Variants in PKHD1 observed in about 807,000 individuals in gnomAD.
PKHD1 encodes PKHD1 ciliary IPT domain containing fibrocystin/polyductin.
PKHD1 carries 291 observed loss-of-function variants against 412.0 expected under a neutral mutation model. That is an observed-to-expected ratio of 0.71 (90% CI 0.64 to 0.78). The LOEUF (loss-of-function observed/expected upper bound fraction) is 0.78. Ranked by LOEUF, PKHD1 falls within the 30% of genes least tolerant of loss-of-function variation. The probability of loss-of-function intolerance (pLI) is 0.00; values close to 1 mark genes in which losing one functional copy is unlikely to be tolerated. For missense variants in PKHD1, 4,825 were observed against 4,950.7 expected (o/e 0.97, Z 0.76); for synonymous variants, 1,777 against 1,821.5 (o/e 0.98, Z 0.62).
chr6:52,050,174 G>C lies in PKHD1; in HGVS notation c.2262C>G (p.Leu754=), dbSNP rs200754084. 1.2e-6 allele frequency: 2 copies of C among 1,614,160 alleles called. No individual in the cohort carries two copies. Among genetic ancestry groups the C allele is most frequent in the Non-Finnish European group, 8.5e-7 (1 of 1,180,022 alleles). Residue 754 remains leucine, a synonymous_variant, in exon 22 of 67, where the codon CTC becomes CTG. Transcript: ENST00000371117. ...CTCCTTACCGTGCAGTGATGAGCGG[G>C]AGCTCCGTGCCACACCCCGCCAGCC... ...TSWLAGCGTE[L]PLITARSVPT...
chr6:51,762,017 G>T (rs1298788973), intron 55 of PKHD1, among the ~76,000 whole-genome samples: 1 of 151,892 alleles, frequency 6.6e-6, no homozygotes, highest in Admixed American at 6.6e-5. Flanking sequence ...TGTCACTTCT[G>T]TCTTCAACAT....
At chr6:51,968,021 T>C (rs1793095953) in intron 35 of PKHD1, among the ~76,000 whole-genome samples, 1 of 152,250 alleles carries the variant, frequency 6.6e-6, no homozygotes, top group South Asian at 2.1e-4. Flanking sequence ...ACCTTTTTTT[T>C]CCTCCTTTGC....
At chr6:51,701,732 T>C (rs891537458) in intron 60 of PKHD1, among the ~76,000 whole-genome samples, 19 of 152,096 alleles carry the variant, frequency 1.2e-4, no homozygotes, top group Admixed American at 1.2e-3. Context: ...AAATATTGCA[T>C]TGGAAAGATT....
chr6:51,963,831 C>G (rs1013442749), intron 35 of PKHD1, among the ~76,000 whole-genome samples: 4 of 152,122 alleles, frequency 2.6e-5, no homozygotes, highest in African/African-American at 9.7e-5. Flanking sequence ...TCCGTGTCAA[C>G]AGCCCAGCTT....
At chr6:51,654,937 T>C (rs1452069972) in intron 61 of PKHD1, among the ~76,000 whole-genome samples, 1 of 152,146 alleles carries the variant, frequency 6.6e-6, no homozygotes, top group African/African-American at 2.4e-5. Flanking sequence ...GAAGACTTTT[T>C]AAAATGCTTG....
chr6:51,863,974 C>A (rs13220074), intron 48 of PKHD1, among the ~76,000 whole-genome samples: 2 of 151,990 alleles, frequency 1.3e-5, no homozygotes, highest in Admixed American at 6.6e-5. Context: ...TAAGGACAGA[C>A]GGACAATTTA....
intron 37 of PKHD1, among the ~76,000 whole-genome samples, chr6:51,917,823 T>C (rs774685995): frequency 3.3e-5 from 5 of 152,128 alleles, no homozygotes; most frequent in East Asian, 1.9e-4. Context: ...GGCCCTCCCA[T>C]AGCACTTAGA....
intron 33 of PKHD1, among the ~76,000 whole-genome samples, chr6:52,019,057 C>T (rs1235657307): frequency 6.6e-6 from 1 of 152,154 alleles, no homozygotes; most frequent in Non-Finnish European, 1.5e-5. Flanking sequence ...ATATAAAAAG[C>T]ATCATGAGGC....
Position 51,793,944 on chromosome 6 carries a change from G to A in PKHD1, c.8303-2571C>T, listed in dbSNP as rs191479361. Among the ~76,000 whole-genome samples, 42 of 152,102 alleles carry A rather than the reference G, an allele frequency of 2.8e-4. No individual in the cohort carries two copies. The East Asian group carries it at 6.4e-3, about 23-fold the overall frequency. The stretch of plus-strand genomic sequence containing the variant: ...TCTGCCTCTAGGTCTTTGAGGAATC[G>A]CCACACTGTCTTCCACAATGATTGA... On this transcript the variant is annotated intron_variant, in intron 52 of 66. Transcript: ENST00000371117.
At chr6:51,893,825 T>C (rs761044901) in intron 43 of PKHD1, among the ~76,000 whole-genome samples, 10 of 152,282 alleles carry the variant, frequency 6.6e-5, no homozygotes, top group South Asian at 2.1e-4. Flanking sequence ...GCTTGAGAAC[T>C]GAGGTTGGGC....
intron 48 of PKHD1, among the ~76,000 whole-genome samples, chr6:51,864,080 G>A (rs1182950491): frequency 1.3e-5 from 2 of 152,140 alleles, no homozygotes; most frequent in African/African-American, 2.4e-5. Context: ...GCTCAGGGAA[G>A]CCTAGCAGAG....
At chr6:51,670,000 G>T (rs1194479784) in intron 60 of PKHD1, among the ~76,000 whole-genome samples, 2 of 151,680 alleles carry the variant, frequency 1.3e-5, no homozygotes, top group Non-Finnish European at 2.9e-5. Context: ...GTGTGGTGTG[G>T]TGCTGAAAAA....
At chr6:51,692,289 A>ACACACACCCC (rs1366295251) in intron 60 of PKHD1, among the ~76,000 whole-genome samples, 1 of 151,036 alleles carries the variant, frequency 6.6e-6, no homozygotes, top group African/African-American at 2.4e-5. Flanking sequence ...ACACACACAC[A>ACACACACCCC]CCACTGAGTT....
chr6:52,084,492 C>T (rs191494425), intron 2 of PKHD1, among the ~76,000 whole-genome samples: 1 of 152,096 alleles, frequency 6.6e-6, no homozygotes, highest in Non-Finnish European at 1.5e-5. Flanking sequence ...TGGGAAAGTC[C>T]GACAGCAAAA....
At chr6:51,926,293 G>T (rs4711990) in intron 37 of PKHD1, among the ~76,000 whole-genome samples, 57,264 of 151,916 alleles carry the variant, frequency 0.38, 11,679 homozygotes, top group East Asian at 0.76. Context: ...ACCAAGAGTC[G>T]CAGAGAAACA....
chr6:51,904,279 G>A (rs1055981590), intron 41 of PKHD1, among the ~76,000 whole-genome samples: 1 of 152,098 alleles, frequency 6.6e-6, no homozygotes, highest in Admixed American at 6.6e-5. Context: ...TTTTGAGGAG[G>A]AGTCTAAGTG....
intron 35 of PKHD1, among the ~76,000 whole-genome samples, chr6:51,984,399 A>G (rs1390007124): frequency 1.3e-5 from 2 of 152,280 alleles, no homozygotes; most frequent in African/African-American, 4.8e-5. Context: ...GACTTGTTTA[A>G]GAAGTAAAAT....
chr6:51,734,901 C>G (rs925131235), intron 60 of PKHD1, among the ~76,000 whole-genome samples: 1 of 152,168 alleles, frequency 6.6e-6, no homozygotes, highest in East Asian at 1.9e-4. Context: ...AACACTACAC[C>G]TTTTTAATAT....
intron 43 of PKHD1, among the ~76,000 whole-genome samples, chr6:51,896,141 A>G (rs944285901): frequency 6.6e-6 from 1 of 152,170 alleles, no homozygotes; most frequent in African/African-American, 2.4e-5. Flanking sequence ...AGCAGCCCGG[A>G]AGCTCGAACT....
Sources: allele counts gnomAD v4.1 joint callset (sites outside exome capture counted in the v4.1 genomes callset), GRCh38; gene constraint gnomAD v4.1.1; transcripts MANE v1.5; gene names NCBI Gene and HGNC (gene_info 2026-07-23, HGNC 2026-07-21).